The following MAMDC4 variants were observed in gnomAD, a reference collection of about 807,000 sequenced individuals.
MAMDC4 encodes apical endosomal glycoprotein.
MAMDC4 carries 168 observed loss-of-function variants against 153.3 expected under a neutral mutation model. The observed-to-expected ratio is 1.10, with a 90% confidence interval of 0.97 to 1.25. The LOEUF is 1.25. Among genes scored for constraint, MAMDC4 ranks in the 50% most tolerant of loss-of-function variants. MAMDC4 has a pLI of 0.00. For synonymous variants in MAMDC4, 744 were observed against 651.5 expected, an observed-to-expected ratio of 1.14 and a Z score of -2.16; for missense variants, 1,701 against 1,542.8, an observed-to-expected ratio of 1.10 and a Z score of -1.72.
In MAMDC4 at chr9:136,855,289, C is replaced by A; in HGVS notation, c.1233C>A (p.Val411=). The change falls in exon 11 of 27, where the codon GTC becomes GTA. Residue 411 remains valine (V), a synonymous_variant. Transcript: ENST00000317446. ...LLAGQTGPGG[V]VGLDDLILSD... Reference sequence around the variant, plus strand: ...CCGGGCAGACAGGCCCGGGGGGCGTCGTGGGTCTGGACGACCTCATCCTGT... The same window carrying A: ...CCGGGCAGACAGGCCCGGGGGGCGTAGTGGGTCTGGACGACCTCATCCTGT... 1 of 1,604,736 alleles carries A rather than the reference C, an allele frequency of 6.2e-7. No individual in the cohort carries two copies. The highest frequency in any genetic ancestry group is 8.5e-7 in the Non-Finnish European group (1 of 1,175,544).
chr9:136,860,623 CG>C lies in MAMDC4; in HGVS notation c.*21del. The C allele has an allele frequency of 1.9e-6, 3 of 1,613,160 alleles. No homozygotes were observed. The highest frequency in any genetic ancestry group is 2.5e-6 in the Non-Finnish European group (3 of 1,179,768). On this transcript the variant is annotated 3_prime_UTR_variant, in exon 27 of 27. Transcript: ENST00000317446. Reference sequence around the variant, plus strand: ...CCGTAGACCACCCCAGACAAGGCCCCGCTTCCTCACGTGACATCCAGCACTT... The same window carrying C: ...CCGTAGACCACCCCAGACAAGGCCCCCTTCCTCACGTGACATCCAGCACTT...
Position 136,857,388 on chromosome 9 carries a change from G to A in MAMDC4, c.2128G>A (p.Asp710Asn). 6.2e-7 allele frequency: 1 copy of A among 1,608,156 alleles called. No homozygotes were observed. The highest frequency in any genetic ancestry group is 8.5e-7 in the Non-Finnish European group (1 of 1,179,878). ...CCAGCTGCTGTTCGAGGGCCTCCGG[G>A]ACGGATACCACGGCACCATGGCGCT... The part of the protein sequence containing the change: ...QYQLLFEGLR[D>N]GYHGTMALDD... Residue 710 changes from aspartate to asparagine, a missense_variant, in exon 18 of 27, where the codon GAC (aspartate) becomes AAC (asparagine). Coordinates refer to ENST00000317446, the MANE Select transcript of MAMDC4 (RefSeq NM_206920.3).
chr9:136,859,471 T>A, intron 25 of MAMDC4, 154 bp downstream of exon 25: 1 of 725,194 alleles, frequency 1.4e-6, no homozygotes, highest in South Asian at 1.9e-5. Flanking sequence ...CCCTGTGCCC[T>A]CCTCACTCTG....
intron 25 of MAMDC4, 40 bp from the exon 26 acceptor site, chr9:136,859,846 G>A (rs1351120586): frequency 3.7e-6 from 6 of 1,607,636 alleles, no homozygotes; most frequent in Admixed American, 1.7e-5. Flanking sequence ...CCAGATGTGG[G>A]GGCTGCTTTG....
At chr9:136,855,936 G>C in intron 13 of MAMDC4, 82 bp from the exon 14 acceptor site, 1 of 1,542,552 alleles carries the variant, frequency 6.5e-7, no homozygotes, top group South Asian at 1.2e-5. Context: ...GCACTACAGA[G>C]GGTCTCTGGA....
In MAMDC4 at chr9:136,859,117, T is replaced by G. The variant is rs1849050339; in HGVS notation, c.3069T>G (p.Ser1023Arg). Residue 1023 changes from serine to arginine, a missense_variant, in exon 24 of 27, where the codon AGT (serine) becomes AGG (arginine). Physicochemically the swap from Ser to Arg is moderately radical, Grantham distance 110. Coordinates refer to ENST00000317446, the MANE Select transcript of MAMDC4 (RefSeq NM_206920.3). ...QWLEAQVEVA[S>R]AKEFQIVFEA... ...TGGAGGCCCAGGTGGAGGTAGCCAG[T>G]GCCAAGGAGTTCCAGGTGAGGCTGG... 3 of 1,558,812 alleles carry G rather than the reference T, an allele frequency of 1.9e-6. No individual in the cohort carries two copies. Among genetic ancestry groups the G allele is most frequent in the Non-Finnish European group, 2.6e-6 (3 of 1,151,856 alleles).
In MAMDC4 at chr9:136,858,463, G is replaced by A; in HGVS notation, c.2738G>A (p.Gly913Glu). ...WSHLAWPGLG[G>E]YSWDWGGGAT... ...CACCTGGCCTGGCCCGGCCTGGGCGGATACAGCTGGGACTGGGGCGGGGGA... is the reference window on the plus strand; with the variant it reads ...CACCTGGCCTGGCCCGGCCTGGGCGAATACAGCTGGGACTGGGGCGGGGGA... The change falls in exon 22 of 27, where the codon GGA becomes GAA. Residue 913 changes from glycine to glutamate, a missense_variant. By Grantham distance (98) the Gly-to-Glu change is moderately conservative. Transcript: ENST00000317446. 1 of 1,608,854 alleles carries A rather than the reference G, an allele frequency of 6.2e-7. No individual in the cohort carries two copies. Among genetic ancestry groups the A allele is most frequent in the Non-Finnish European group, 8.5e-7 (1 of 1,179,698 alleles).
Position 136,858,088 on chromosome 9 carries a change from A to G in MAMDC4, c.2574A>G (p.Arg858=). The part of the protein sequence containing the change: ...RLGSMDVQAE[R]AWRVVFEAVA... Reference sequence around the variant, plus strand: ...GCAGCATGGACGTGCAGGCCGAGCGAGCCTGGAGGGTGAGTGCAGGGTGGG... The same window carrying G: ...GCAGCATGGACGTGCAGGCCGAGCGGGCCTGGAGGGTGAGTGCAGGGTGGG... Residue 858 remains arginine (R), a synonymous_variant, in exon 20 of 27, where the codon CGA becomes CGG. Coordinates refer to ENST00000317446, the MANE Select transcript of MAMDC4 (RefSeq NM_206920.3). The G allele has an allele frequency of 6.5e-7, 1 of 1,532,814 alleles. No individual in the cohort carries two copies. The highest frequency in any genetic ancestry group is 8.8e-7 in the Non-Finnish European group (1 of 1,141,288). 95.0% of individuals were successfully genotyped at this position (1,532,814 alleles called of 1,614,324 possible). A position where few individuals can be genotyped will look rare whatever the true frequency, so the allele number is the denominator to read the frequency against.
chr9:136,855,057 G>A lies in MAMDC4; in HGVS notation c.1144G>A (p.Gly382Arg), dbSNP rs751728135. The change falls in exon 10 of 27, where the codon GGG becomes AGG. Residue 382 changes from glycine (G) to arginine (R), a missense_variant. Transcript: ENST00000317446. ...GCTGCGGAGGCGCCGAGGGGAGCTGGGGACCGCCTGGGTCCGAGACCGTGT... is the reference window on the plus strand; with the variant it reads ...GCTGCGGAGGCGCCGAGGGGAGCTGAGGACCGCCTGGGTCCGAGACCGTGT... ...VLLRRRRGEL[G>R]TAWVRDRVDI... 53 of 1,604,216 alleles carry A rather than the reference G, an allele frequency of 3.3e-5. No homozygotes were observed. Among genetic ancestry groups the A allele is most frequent in the Admixed American group, 3.4e-5 (2 of 58,680 alleles).
chr9:136,855,696 G>C, intron 12 of MAMDC4, 36 bp from the exon 13 acceptor site: 1 of 1,571,586 alleles, frequency 6.4e-7, no homozygotes, highest in Non-Finnish European at 8.6e-7. Context: ...TGAGGACTCT[G>C]AGGACTCTGC....
chr9:136,853,271 A>G lies in MAMDC4; in HGVS notation c.155-14A>G. 6.2e-7 allele frequency: 1 copy of G among 1,605,406 alleles called. No homozygotes were observed. The highest frequency in any genetic ancestry group is 8.5e-7 in the Non-Finnish European group (1 of 1,174,446). ...GAGCAGGTCTGGCACACACCTGACC[A>G]CCCACTCTCCCAGGTTACCACGGGG... On this transcript the variant is annotated splice_polypyrimidine_tract_variant and intron_variant, in intron 2 of 26. Coordinates refer to ENST00000317446, the MANE Select transcript of MAMDC4 (RefSeq NM_206920.3).
rs773975470 is a variant in MAMDC4, at chr9:136,856,996, A to C, written c.1927A>C (p.Thr643Pro). ...LSRPQVPAAP[T>P]ECLSFWYHLH... Reference sequence around the variant, plus strand: ...CAGGCCCCAGGTGCCAGCAGCACCCACGGAGTGTCTCAGCTTCTGGTACCA... The same window carrying C: ...CAGGCCCCAGGTGCCAGCAGCACCCCCGGAGTGTCTCAGCTTCTGGTACCA... Residue 643 changes from threonine to proline, a missense_variant, in exon 16 of 27, where the codon ACG (threonine) becomes CCG (proline). Coordinates refer to ENST00000317446, the MANE Select transcript of MAMDC4 (RefSeq NM_206920.3). 5.7e-5 allele frequency: 92 copies of C among 1,612,392 alleles called. No individual in the cohort carries two copies. The highest frequency in any genetic ancestry group is 1.3e-5 in the Non-Finnish European group (15 of 1,179,824).
At position 136,859,055 on chromosome 9, in the gene MAMDC4, G is replaced by A; in HGVS notation, c.3007G>A (p.Val1003Met). The change falls in exon 24 of 27, where the codon GTG becomes ATG. Residue 1003 changes from valine to methionine, a missense_variant. Physicochemically the swap from Val to Met is conservative, Grantham distance 21. Transcript: ENST00000317446. ...GCACAGTGCTCAGGGCCAGCTGGCT[G>A]TGTGGGGCGCAGGCGGGCATCGGCG... is the stretch of plus-strand genomic sequence containing the variant. Reference protein sequence around the residue: ...LLHSAQGQLAVWGAGGHRRHQ... With the variant: ...LLHSAQGQLAMWGAGGHRRHQ... 1 of 1,556,614 alleles carries A rather than the reference G, an allele frequency of 6.4e-7. No homozygotes were observed. The highest frequency in any genetic ancestry group is 8.7e-7 in the Non-Finnish European group (1 of 1,149,852).
rs747003351 is a variant in MAMDC4, at chr9:136,857,533, C to CGGGCCATGCTGCCTG, written c.2279_2293dup (p.His760_Gly764dup). 6.2e-7 allele frequency: 1 copy of CGGGCCATGCTGCCTG among 1,611,342 alleles called. No individual in the cohort carries two copies. The stretch of plus-strand genomic sequence containing the variant: ...CTCTGGAGGCGGCAGGCCAATGCCT[C>CGGGCCATGCTGCCTG]GGGCCATGCTGCCTGGGGCCCCCCA... On this transcript the variant is annotated inframe_insertion, in exon 18 of 27. Coordinates refer to ENST00000317446, the MANE Select transcript of MAMDC4 (RefSeq NM_206920.3).
At chr9:136,855,362 C>A in intron 11 of MAMDC4, 24 bp downstream of exon 11, 2 of 1,599,250 alleles carry the variant, frequency 1.3e-6, no homozygotes, top group Non-Finnish European at 1.7e-6. Flanking sequence ...CTCTGCCCTA[C>A]CCTGCCTTGC....
rs367777386 is a variant in MAMDC4, at chr9:136,859,105, G to A, written c.3057G>A (p.Val1019=). The A allele has an allele frequency of 2.5e-4, 382 of 1,552,682 alleles. No individual in the cohort carries two copies. The African/African-American group carries it at 3.3e-3, about 13-fold the overall frequency. ...HRRHQWLEAQ[V]EVASAKEFQI... ...GGCACCAGTGGCTGGAGGCCCAGGTGGAGGTAGCCAGTGCCAAGGAGTTCC... is the reference window on the plus strand; with the variant it reads ...GGCACCAGTGGCTGGAGGCCCAGGTAGAGGTAGCCAGTGCCAAGGAGTTCC... Residue 1019 remains valine (V), a synonymous_variant, in exon 24 of 27, where the codon GTG becomes GTA. Coordinates refer to ENST00000317446, the MANE Select transcript of MAMDC4 (RefSeq NM_206920.3).
At position 136,853,661 on chromosome 9, in the gene MAMDC4, G is replaced by A. The variant is rs758765520; in HGVS notation, c.445G>A (p.Ala149Thr). ...SCKLRLWYHA[A>T]SGDVAELRVE... Reference sequence around the variant, plus strand: ...CAAGCTGAGGCTCTGGTACCACGCGGCCTCTGGAGGTGCACCCTGGACCCC... The same window carrying A: ...CAAGCTGAGGCTCTGGTACCACGCGACCTCTGGAGGTGCACCCTGGACCCC... The change falls in exon 4 of 27, where the codon GCC becomes ACC. Residue 149 changes from alanine to threonine, a missense_variant. Transcript: ENST00000317446. 6.5e-6 allele frequency: 10 copies of A among 1,541,396 alleles called. No individual in the cohort carries two copies. Among genetic ancestry groups the A allele is most frequent in the Non-Finnish European group, 5.3e-6 (6 of 1,136,586 alleles).
At chr9:136,855,983 G>A (rs1848998510) in intron 13 of MAMDC4, 35 bp from the exon 14 acceptor site, 4 of 1,588,658 alleles carry the variant, frequency 2.5e-6, no homozygotes, top group Non-Finnish European at 3.4e-6. Context: ...GGCCCTGGAA[G>A]GGATGAGGCT....
At position 136,854,264 on chromosome 9, in the gene MAMDC4, G is replaced by A. The variant is rs528740144; in HGVS notation, c.724G>A (p.Val242Met). 22 of 1,611,014 alleles carry A rather than the reference G, an allele frequency of 1.4e-5. No homozygotes were observed. Among genetic ancestry groups the A allele is most frequent in the African/African-American group, 8.0e-5 (6 of 75,006 alleles). The change falls in exon 7 of 27, where the codon GTG (valine) becomes ATG (methionine). Residue 242 changes from valine (V) to methionine (M), a missense_variant. Val to Met is a conservative substitution (Grantham distance 21, BLOSUM62 1). Transcript: ENST00000317446. ...CCACCACTGCCAGAACAAGGTCTGC[G>A]TGGAGCCCCAGCAGCTGTGCGACGG... The part of the protein sequence containing the change: ...GHHHCQNKVC[V>M]EPQQLCDGED...
Sources: gnomAD v4.1 joint callset for allele counts on GRCh38, gnomAD v4.1.1 for gene constraint, MANE v1.5 for transcripts, NCBI Gene and HGNC (gene_info 2026-07-23, HGNC 2026-07-21) for gene names.